Variants in NAA25 observed in about 807,000 individuals in gnomAD.
NAA25 encodes N-terminal acetyltransferase B complex subunit NAA25.
Under a neutral mutation model 132.5 loss-of-function variants are expected in NAA25, and 30 were observed. That is an observed-to-expected ratio of 0.23 (90% CI 0.17 to 0.31). The LOEUF (loss-of-function observed/expected upper bound fraction) is 0.31, where lower values mean the gene tolerates loss of function less well. Ranked by LOEUF, NAA25 falls within the 10% of genes least tolerant of loss-of-function variation. The probability of loss-of-function intolerance (pLI) is 1.00; values close to 1 mark genes in which losing one functional copy is unlikely to be tolerated. For synonymous variants in NAA25, 359 were observed against 401.9 expected (o/e 0.89, Z 1.28); for missense variants, 771 against 1,150.4 (o/e 0.67, Z 4.77).
intron 4 of NAA25, among the ~76,000 whole-genome samples, chr12:112,086,094 ACACAC>A (rs2079051190): frequency 7.4e-6 from 1 of 135,192 alleles, no homozygotes; most frequent in Non-Finnish European, 1.5e-5. Flanking sequence ...ACACACACAC[ACACAC>A]ACACCCATAA....
chr12:112,036,693 A>G (rs2078227399), intron 22 of NAA25, among the ~76,000 whole-genome samples: 2 of 152,096 alleles, frequency 1.3e-5, no homozygotes, highest in Admixed American at 1.3e-4. Flanking sequence ...TACTAAAAAT[A>G]CAAAAACTAA....
At chr12:112,063,036 G>C (rs1435535374) in intron 11 of NAA25, among the ~76,000 whole-genome samples, 1 of 151,868 alleles carries the variant, frequency 6.6e-6, no homozygotes, top group Non-Finnish European at 1.5e-5. Flanking sequence ...CTCCAGCCTG[G>C]GTGACACAGC....
rs1291402969 is a variant in NAA25 at position 112,049,963 on chromosome 12, G to T, written c.1729-1520C>A. On this transcript the variant is annotated intron_variant, in intron 15 of 23. Transcript: ENST00000261745. The surrounding 1 kb of genome is among the most constrained non-coding windows in gnomAD (Gnocchi z 4.7). The stretch of plus-strand genomic sequence containing the variant: ...AGTTATAATTACAGTTCCAAAGTAT[G>T]CTATGATTTAAGGAGGGAACCCAGC... Among the ~76,000 whole-genome samples the T allele has an allele frequency of 6.6e-6, 1 of 151,296 alleles. No homozygotes were observed. The highest frequency in any genetic ancestry group is 1.5e-5 in the Non-Finnish European group (1 of 67,932).
chr12:112,098,139 A>AC (rs1424243139), intron 1 of NAA25, among the ~76,000 whole-genome samples: 2 of 151,172 alleles, frequency 1.3e-5, no homozygotes, highest in Non-Finnish European at 1.5e-5. Flanking sequence ...AAAAAAAAAA[A>AC]AACCAAGCAG....
At chr12:112,075,416 T>C (rs887598350) in intron 8 of NAA25, among the ~76,000 whole-genome samples, 1 of 152,194 alleles carries the variant, frequency 6.6e-6, no homozygotes, top group Non-Finnish European at 1.5e-5. Flanking sequence ...CTCAAACTCC[T>C]GACCTCAAGT....
rs553911411 is a variant in NAA25 at position 112,041,112 on chromosome 12, T to TA, written c.2441-535dup. 6.7e-4 allele frequency among the ~76,000 whole-genome samples: 101 copies of TA among 151,432 alleles called. 1 individual carries two copies. Among genetic ancestry groups the TA allele is most frequent in the Admixed American group, 5.9e-3 (90 of 15,230 alleles). On this transcript the variant is annotated intron_variant, in intron 20 of 23. Transcript: ENST00000261745. ...AGAAGGATTGCTTCAGCCAAGGAGT[T>TA]AGAGTCCATCCTGAGCAACACAACA... is the stretch of plus-strand genomic sequence containing the variant.
chr12:112,033,434 T>G, intron 22 of NAA25, 55 bp from the exon 23 acceptor site: 1 of 1,481,378 alleles, frequency 6.8e-7, no homozygotes, highest in Non-Finnish European at 9.0e-7. Context: ...TACCCATATC[T>G]ACATCACAAA....
At chr12:112,104,439 GT>G (rs2079334609) in intron 1 of NAA25, among the ~76,000 whole-genome samples, 1 of 152,180 alleles carries the variant, frequency 6.6e-6, no homozygotes, top group Non-Finnish European at 1.5e-5. Flanking sequence ...ATAAATAAAA[GT>G]ATGGGGTAGA....
intron 22 of NAA25, chr12:112,037,710 G>GACA (rs903468621): frequency 1.4e-5 from 2 of 145,230 alleles, no homozygotes; most frequent in Non-Finnish European, 3.1e-5. Flanking sequence ...TTAATTATGG[G>GACA]ACACAACAAC....
At chr12:112,045,744 G>A (rs2078372069) in intron 17 of NAA25, among the ~76,000 whole-genome samples, 1 of 152,104 alleles carries the variant, frequency 6.6e-6, no homozygotes, top group African/African-American at 2.4e-5. Flanking sequence ...GCAGTGAGCC[G>A]AGATCATGCG....
Position 112,039,210 on chromosome 12 carries a change from C to G in NAA25, c.2649+19G>C. 1 of 1,434,196 alleles carries G rather than the reference C, an allele frequency of 7.0e-7. No individual in the cohort carries two copies. Among genetic ancestry groups the G allele is most frequent in the Non-Finnish European group, 9.7e-7 (1 of 1,034,600 alleles). The allele number at this position is 1,434,196 out of a possible 1,614,324, so 88.8% of individuals were successfully genotyped here. A position where few individuals can be genotyped will look rare whatever the true frequency, so the allele number is the denominator to read the frequency against. On this transcript the variant is annotated intron_variant, in intron 22 of 23. Transcript: ENST00000261745. ...TGGTCAGATTGTTCCTTGTATATCA[C>G]TTGTGTTACTGTTATTACCATGATG...
At chr12:112,092,259 G>C (rs1029842664) in intron 2 of NAA25, among the ~76,000 whole-genome samples, 3 of 150,098 alleles carry the variant, frequency 2.0e-5, no homozygotes, top group Non-Finnish European at 3.0e-5. Context: ...AAAAAAAAAC[G>C]AAAAAAGAAA....
chr12:112,035,730 T>C (rs2078216532), intron 22 of NAA25, among the ~76,000 whole-genome samples: 1 of 151,580 alleles, frequency 6.6e-6, no homozygotes, highest in Non-Finnish European at 1.5e-5. Context: ...TCCAGCCTTG[T>C]ACAGTGGTGC....
intron 6 of NAA25, 23 bp from the exon 7 acceptor site, chr12:112,078,289 T>C (rs375659368): frequency 1.2e-5 from 18 of 1,514,936 alleles, no homozygotes; most frequent in Non-Finnish European, 1.6e-5. Flanking sequence ...AAACAAGAAG[T>C]GCAACCTCTG....
Position 112,043,070 on chromosome 12 carries a change from C to A in NAA25, c.2374+18G>T. 1 of 1,577,078 alleles carries A rather than the reference C, an allele frequency of 6.3e-7. No homozygotes were observed. ...TTTTCTATGACAAAGACCCTATAAA[C>A]ACACAGTGTACACTTACCTAAACCA... is the stretch of plus-strand genomic sequence containing the variant. On this transcript the variant is annotated intron_variant, in intron 19 of 23. Coordinates refer to ENST00000261745, the MANE Select transcript of NAA25 (RefSeq NM_024953.4).
intron 11 of NAA25, among the ~76,000 whole-genome samples, chr12:112,066,769 A>G (rs2078724576): frequency 6.6e-6 from 1 of 152,214 alleles, no homozygotes; most frequent in Non-Finnish European, 1.5e-5. Context: ...AGAACCCCAG[A>G]GACCACTGGT....
intron 1 of NAA25, among the ~76,000 whole-genome samples, chr12:112,106,955 CAAAAAAAAAAA>C (rs11286456): frequency 1.2e-4 from 3 of 25,828 alleles, no homozygotes; most frequent in Non-Finnish European, 1.7e-4. Context: ...AGACTGTCTC[CAAAAAAAAAAA>C]AAAAAAAAAA....
chr12:112,032,120 C>T (rs1593738241), intron 23 of NAA25, among the ~76,000 whole-genome samples: 1 of 151,766 alleles, frequency 6.6e-6, no homozygotes, highest in Non-Finnish European at 1.5e-5. Context: ...CCCACCACCA[C>T]GCCCGGCTAA....
chr12:112,047,253 T>TG lies in NAA25; in HGVS notation c.2006+411dup, dbSNP rs1238810012. The stretch of plus-strand genomic sequence containing the variant: ...TCTTTTTTTTTTTTTTTTTTGGAGA[T>TG]GGAGTTTTGCTCTTGTTGCCCAGGC... On this transcript the variant is annotated intron_variant, in intron 17 of 23. Transcript: ENST00000261745. 2.7e-5 allele frequency among the ~76,000 whole-genome samples: 4 copies of TG among 145,976 alleles called. No homozygotes were observed. In the East Asian group the frequency reaches 7.8e-4, roughly 28 times the overall value.
Sources: allele counts gnomAD v4.1 joint callset (sites outside exome capture counted in the v4.1 genomes callset), GRCh38; gene constraint gnomAD v4.1.1; non-coding constraint Gnocchi (gnomAD v3.1); transcripts MANE v1.5; gene names NCBI Gene and HGNC (gene_info 2026-07-23, HGNC 2026-07-21).